The following RSBN1L variants were observed in gnomAD, a reference collection of about 807,000 sequenced individuals.
RSBN1L encodes the protein round spermatid basic protein 1 like, also known as lysine-specific demethylase RSBN1L.
RSBN1L carries 30 observed loss-of-function variants against 67.7 expected under a neutral mutation model. The ratio of observed to expected loss-of-function variants is 0.44; its 90% confidence interval spans 0.33 to 0.60. The LOEUF is 0.60. Among genes scored for constraint, RSBN1L ranks in the 20% least tolerant of loss-of-function variants. RSBN1L has a pLI of 0.02. For synonymous variants in RSBN1L, 433 were observed against 387.0 expected, an observed-to-expected ratio of 1.12 and a Z score of -1.39; for missense variants, 992 against 1,031.7, an observed-to-expected ratio of 0.96 and a Z score of 0.53.
At chr7:77,768,514 G>T in intron 4 of RSBN1L, 147 bp from the exon 5 acceptor site, 1 of 669,372 alleles carries the variant, frequency 1.5e-6, no homozygotes, top group Non-Finnish European at 2.5e-6. Context: ...CAATATATAG[G>T]GATATATTCA....
intron 1 of RSBN1L, among the ~76,000 whole-genome samples, chr7:77,717,742 G>A (rs1791066483): frequency 6.6e-6 from 1 of 152,224 alleles, no homozygotes; most frequent in Non-Finnish European, 1.5e-5. Context: ...AAGGTCCCGG[G>A]TGTGGCTGCT....
At chr7:77,707,133 C>T (rs886254984) in intron 1 of RSBN1L, among the ~76,000 whole-genome samples, 24 of 151,408 alleles carry the variant, frequency 1.6e-4, no homozygotes, top group African/African-American at 5.6e-4. Context: ...AAGTGATTCT[C>T]ATGCCTCAGC....
At chr7:77,724,884 C>T (rs2150417289) in intron 1 of RSBN1L, among the ~76,000 whole-genome samples, 1 of 150,022 alleles carries the variant, frequency 6.7e-6, no homozygotes, top group South Asian at 2.1e-4. Context: ...CTTTTGTGGC[C>T]CAAGCCGGAG....
chr7:77,703,662 T>C (rs1437645260), intron 1 of RSBN1L, among the ~76,000 whole-genome samples: 1 of 151,978 alleles, frequency 6.6e-6, no homozygotes, highest in Non-Finnish European at 1.5e-5. Context: ...CTAATTTTTG[T>C]ATTTTTGTAG....
chr7:77,757,239 A>C (rs1473049027), intron 3 of RSBN1L, among the ~76,000 whole-genome samples: 1 of 152,248 alleles, frequency 6.6e-6, no homozygotes, highest in African/African-American at 2.4e-5. Flanking sequence ...ACATATACAC[A>C]ACACTGACAA....
intron 1 of RSBN1L, among the ~76,000 whole-genome samples, chr7:77,705,241 A>C (rs1790875145): frequency 6.6e-6 from 1 of 152,184 alleles, no homozygotes; most frequent in South Asian, 2.1e-4. Flanking sequence ...CCAGTCCAGC[A>C]TACCTGTTAT....
chr7:77,731,295 CCT>C (rs1301487309), intron 1 of RSBN1L, among the ~76,000 whole-genome samples: 4 of 152,146 alleles, frequency 2.6e-5, no homozygotes, highest in African/African-American at 7.2e-5. Flanking sequence ...CTCCCTGCAA[CCT>C]CTGTCTCCTG....
At chr7:77,761,642 A>G (rs966947306) in intron 3 of RSBN1L, among the ~76,000 whole-genome samples, 2 of 152,204 alleles carry the variant, frequency 1.3e-5, no homozygotes, top group African/African-American at 2.4e-5. Context: ...CTTAAGTACC[A>G]TCATGTATTT....
chr7:77,715,819 A>T (rs528990795), intron 1 of RSBN1L, among the ~76,000 whole-genome samples: 3 of 152,316 alleles, frequency 2.0e-5, no homozygotes, highest in African/African-American at 7.2e-5. Context: ...GCATAGTAGT[A>T]GTTCATTGTA....
intron 3 of RSBN1L, among the ~76,000 whole-genome samples, chr7:77,752,923 C>T (rs1441755272): frequency 6.6e-6 from 1 of 152,238 alleles, no homozygotes; most frequent in East Asian, 1.9e-4. Context: ...ATTGTTGTGT[C>T]TGGTCTCTTT....
At chr7:77,726,230 A>C (rs1438465538) in intron 1 of RSBN1L, among the ~76,000 whole-genome samples, 3 of 152,134 alleles carry the variant, frequency 2.0e-5, no homozygotes, top group African/African-American at 7.2e-5. Flanking sequence ...TAAAGTCCAT[A>C]CTTTATTCAG....
At chr7:77,739,099 A>G (rs1791374335) in intron 2 of RSBN1L, among the ~76,000 whole-genome samples, 1 of 152,214 alleles carries the variant, frequency 6.6e-6, no homozygotes, top group Non-Finnish European at 1.5e-5. Flanking sequence ...ATCTACGAGA[A>G]AGAATTTGCT....
At chr7:77,754,650 C>G (rs1326999291) in intron 3 of RSBN1L, among the ~76,000 whole-genome samples, 1 of 152,104 alleles carries the variant, frequency 6.6e-6, no homozygotes, top group Non-Finnish European at 1.5e-5. Flanking sequence ...ATCCCCCTTT[C>G]CCTTATCTGT....
chr7:77,768,445 C>T, intron 4 of RSBN1L: 1 of 506,040 alleles, frequency 2.0e-6, no homozygotes, highest in Non-Finnish European at 3.6e-6. Flanking sequence ...GGGACAGAAC[C>T]ATCCAAGCAT....
chr7:77,715,405 G>A (rs1026429701), intron 1 of RSBN1L, among the ~76,000 whole-genome samples: 8 of 151,730 alleles, frequency 5.3e-5, no homozygotes, highest in Non-Finnish European at 1.0e-4. Context: ...ATCTCGGCTA[G>A]GTGATTCTTG....
At chr7:77,732,959 C>T (rs1305269074) in intron 1 of RSBN1L, among the ~76,000 whole-genome samples, 1 of 152,040 alleles carries the variant, frequency 6.6e-6, no homozygotes, top group Non-Finnish European at 1.5e-5. Flanking sequence ...CATAGCTCTG[C>T]CATGTAACAT....
intron 1 of RSBN1L, among the ~76,000 whole-genome samples, chr7:77,722,968 C>CTTTTTTT (rs71531006): frequency 7.6e-6 from 1 of 132,340 alleles, no homozygotes. Context: ...TTTCTCTCTT[C>CTTTTTTT]TTTTTTTTTT....
chr7:77,708,968 T>G (rs1371599972), intron 1 of RSBN1L, among the ~76,000 whole-genome samples: 1 of 152,180 alleles, frequency 6.6e-6, no homozygotes, highest in African/African-American at 2.4e-5. Flanking sequence ...TCATAGATAT[T>G]TTCATGGCTT....
intron 1 of RSBN1L, among the ~76,000 whole-genome samples, chr7:77,732,229 A>G (rs1791280614): frequency 6.6e-6 from 1 of 152,262 alleles, no homozygotes; most frequent in African/African-American, 2.4e-5. Context: ...TAAAAACTGA[A>G]TAAGAATTCT....
Sources: allele counts gnomAD v4.1 joint callset (sites outside exome capture counted in the v4.1 genomes callset), GRCh38; gene constraint gnomAD v4.1.1; transcripts MANE v1.5; gene names NCBI Gene and HGNC (gene_info 2026-07-23, HGNC 2026-07-21).